The following SCMH1 variants were observed in gnomAD, a reference collection of about 807,000 sequenced individuals.
The protein encoded by SCMH1 is Scm polycomb group protein homolog 1, also known as polycomb protein SCMH1.
Under a neutral mutation model 70.8 loss-of-function variants are expected in SCMH1, and 37 were observed. The ratio of observed to expected loss-of-function variants is 0.52; its 90% CI spans 0.40 to 0.69. The LOEUF is 0.69. Ranked by LOEUF, SCMH1 falls within the 30% of genes least tolerant of loss-of-function variation. SCMH1 has a pLI of 0.00. For synonymous variants in SCMH1, 292 were observed against 307.4 expected (o/e 0.95, Z 0.52); for missense variants, 607 against 827.3 (o/e 0.73, Z 3.27).
intron 2 of SCMH1, among the ~76,000 whole-genome samples, chr1:41,182,253 G>A (rs576083111): frequency 1.5e-4 from 23 of 152,192 alleles, no homozygotes; most frequent in Non-Finnish European, 2.8e-4. Flanking sequence ...AATGTTGAAT[G>A]ACGAGTTAAT....
At chr1:41,161,038 T>G (rs1645977541) in intron 3 of SCMH1, 140 bp from the exon 4 acceptor site, 1 of 959,308 alleles carries the variant, frequency 1.0e-6, no homozygotes, top group Non-Finnish European at 1.6e-6. Context: ...CTGAGATTCT[T>G]AGTAGTCATT....
intron 2 of SCMH1, among the ~76,000 whole-genome samples, chr1:41,180,400 A>T (rs1648381702): frequency 6.6e-6 from 1 of 152,212 alleles, no homozygotes; most frequent in Admixed American, 6.5e-5. Context: ...AAGGGTATTC[A>T]ATTAGGAAAA....
At chr1:41,032,112 T>C (rs1644611588) in intron 13 of SCMH1, among the ~76,000 whole-genome samples, 1 of 152,222 alleles carries the variant, frequency 6.6e-6, no homozygotes, top group African/African-American at 2.4e-5. Flanking sequence ...AATCTGCTGG[T>C]GCCTTGATCT....
chr1:41,228,061 T>C (rs903511419), intron 1 of SCMH1, among the ~76,000 whole-genome samples: 10 of 152,098 alleles, frequency 6.6e-5, no homozygotes, highest in African/African-American at 1.4e-4. Context: ...AAAGGTGCAA[T>C]AGGCAGCACA....
At chr1:41,150,410 G>A (rs953503747) in intron 5 of SCMH1, among the ~76,000 whole-genome samples, 4 of 152,130 alleles carry the variant, frequency 2.6e-5, no homozygotes, top group Non-Finnish European at 1.5e-5. Context: ...GGCTGAGGCA[G>A]GAGAATCACC....
intron 5 of SCMH1, among the ~76,000 whole-genome samples, chr1:41,144,964 G>A (rs1644421451): frequency 6.6e-6 from 1 of 152,116 alleles, no homozygotes; most frequent in Admixed American, 6.5e-5. Context: ...AGTTTTAAGA[G>A]TTCTTTCTAT....
intron 10 of SCMH1, among the ~76,000 whole-genome samples, chr1:41,061,688 A>G (rs1241572200): frequency 6.6e-6 from 1 of 152,224 alleles, no homozygotes; most frequent in Admixed American, 6.5e-5. Context: ...AAAATCAGTA[A>G]GGACATAATT....
At position 41,119,443 on chromosome 1, in the gene SCMH1, A is replaced by AC. The variant is rs201897384; in HGVS notation, c.413-2434_413-2433insG. 1.0e-3 allele frequency among the ~76,000 whole-genome samples: 88 copies of AC among 85,828 alleles called. No individual in the cohort carries two copies. The East Asian group carries it at 0.015, about 14-fold the overall frequency. The allele number at this position is 85,828 out of a possible 152,430, so 56.3% of individuals were successfully genotyped here. A position where few individuals can be genotyped will look rare whatever the true frequency, so the allele number is the denominator to read the frequency against. ...GCTTTTTTTTCCCTTTAGGGCAAAA[A>AC]AAAAACAAAAAAAAAAAAACCCCAC... is the stretch of plus-strand genomic sequence containing the variant. On this transcript the variant is annotated intron_variant, in intron 6 of 14. Transcript: ENST00000337495.
At chr1:41,146,677 TG>T (rs1178334371) in intron 5 of SCMH1, among the ~76,000 whole-genome samples, 1 of 152,176 alleles carries the variant, frequency 6.6e-6, no homozygotes, top group South Asian at 2.1e-4. Flanking sequence ...GAATAGGCTA[TG>T]GTCTAGGTGT....
chr1:41,092,452 C>T (rs1663855063), intron 8 of SCMH1, among the ~76,000 whole-genome samples: 1 of 152,184 alleles, frequency 6.6e-6, no homozygotes, highest in African/African-American at 2.4e-5. Context: ...CCATTCAGGA[C>T]ATAGGCATGG....
chr1:41,030,110 GAA>G (rs1211694437), intron 13 of SCMH1, among the ~76,000 whole-genome samples: 7 of 152,310 alleles, frequency 4.6e-5, no homozygotes, highest in Middle Eastern at 3.4e-3. Flanking sequence ...TAGCTACTCA[GAA>G]GGCTGAGGCA....
intron 1 of SCMH1, among the ~76,000 whole-genome samples, chr1:41,210,305 G>A (rs139545998): frequency 0.013 from 1,965 of 152,192 alleles, 41 homozygotes; most frequent in African/African-American, 0.045. Flanking sequence ...CAGATTCAAC[G>A]CCATCCCCAT....
At chr1:41,162,844 G>C (rs373820277) in intron 2 of SCMH1, 4 of 152,412 alleles carry the variant, frequency 2.6e-5, no homozygotes, top group African/African-American at 9.6e-5. Context: ...GGCACTGTGA[G>C]TCTTCTCTGA....
intron 1 of SCMH1, among the ~76,000 whole-genome samples, chr1:41,199,807 G>C (rs1179306601): frequency 6.6e-6 from 1 of 152,060 alleles, no homozygotes; most frequent in Non-Finnish European, 1.5e-5. Context: ...CTCAATGGAA[G>C]CCCAAACCTC....
chr1:41,211,336 C>T (rs1030059243), intron 1 of SCMH1, among the ~76,000 whole-genome samples: 6 of 152,036 alleles, frequency 3.9e-5, no homozygotes, highest in African/African-American at 1.4e-4. Context: ...AACAAACAAC[C>T]CCATCAAAAA....
At chr1:41,048,549 G>T in intron 11 of SCMH1, 141 bp downstream of exon 11, 1 of 733,236 alleles carries the variant, frequency 1.4e-6, no homozygotes, top group Non-Finnish European at 2.3e-6. Flanking sequence ...TTGGGGGGTT[G>T]GAGATGAGGA....
chr1:41,229,202 C>CA (rs35731665), intron 1 of SCMH1, among the ~76,000 whole-genome samples: 37,323 of 143,002 alleles, frequency 0.26, 5,635 homozygotes, highest in East Asian at 0.37. Flanking sequence ...AACCCCCTAC[C>CA]AAAAAAAAAA....
intron 1 of SCMH1, among the ~76,000 whole-genome samples, chr1:41,190,743 T>A (rs2148663817): frequency 6.6e-6 from 1 of 152,274 alleles, no homozygotes; most frequent in East Asian, 1.9e-4. Flanking sequence ...TACAGAAGTG[T>A]GATATGGGGA....
intron 6 of SCMH1, among the ~76,000 whole-genome samples, chr1:41,122,711 A>C (rs1435626246): frequency 6.6e-6 from 1 of 152,230 alleles, no homozygotes; most frequent in Non-Finnish European, 1.5e-5. Flanking sequence ...TCACACAACT[A>C]AGGTAGTGAG....
Sources: allele counts gnomAD v4.1 joint callset (sites outside exome capture counted in the v4.1 genomes callset), GRCh38; gene constraint gnomAD v4.1.1; transcripts MANE v1.5; gene names NCBI Gene and HGNC (gene_info 2026-07-23, HGNC 2026-07-21).